The following SORBS2 variants were observed in gnomAD, a reference collection of about 807,000 sequenced individuals.
SORBS2 encodes sorbin and SH3 domain-containing protein 2.
SORBS2 carries 46 observed loss-of-function variants against 97.7 expected under a neutral mutation model. The observed-to-expected ratio is 0.47, with a 90% CI of 0.37 to 0.60. SORBS2 has a LOEUF of 0.60. SORBS2 is among the 20% of genes least tolerant of loss of function. The probability of loss-of-function intolerance (pLI) is 0.00; values close to 1 mark genes in which losing one functional copy is unlikely to be tolerated. For missense variants in SORBS2, 1,316 were observed against 1,282.3 expected (o/e 1.03, Z -0.40); for synonymous variants, 476 against 473.4 (o/e 1.01, Z -0.07).
At chr4:185,592,701 G>C (rs945829231) in intron 13 of SORBS2, 1 of 152,902 alleles carries the variant, frequency 6.5e-6, no homozygotes, top group Non-Finnish European at 1.5e-5. Context: ...GACTACAGGC[G>C]CATGCCATCA....
chr4:185,667,387 A>T (rs1268054505), intron 4 of SORBS2, among the ~76,000 whole-genome samples: 4 of 152,082 alleles, frequency 2.6e-5, no homozygotes, highest in African/African-American at 7.2e-5. Flanking sequence ...GGTTGCAATA[A>T]TTTTTTTCTC....
Position 185,690,440 on chromosome 4 carries a change from T to C in SORBS2, c.-197-11618A>G, listed in dbSNP as rs74666547. ...GAAAGAAAGTAATGAATCTATGCTA[T>C]GTATCTAATCAGAAACTCAGAATCA... On this transcript the variant is annotated intron_variant, in intron 2 of 20. Coordinates refer to the SORBS2 transcript ENST00000284776. 768 of 527,968 alleles carry C rather than the reference T, an allele frequency of 1.5e-3. 5 individuals are homozygous for C. Among genetic ancestry groups the C allele is most frequent in the African/African-American group, 0.013 (706 of 53,230 alleles). The allele number at this position is 527,968 out of a possible 1,614,324, so 32.7% of individuals were successfully genotyped here.
intron 4 of SORBS2, among the ~76,000 whole-genome samples, chr4:185,642,438 A>T (rs1326361828): frequency 6.6e-6 from 1 of 152,120 alleles, no homozygotes; most frequent in Non-Finnish European, 1.5e-5. Context: ...ACTCACCTAC[A>T]AACATATCCA....
intron 1 of SORBS2, among the ~76,000 whole-genome samples, chr4:185,892,151 C>T (rs1293350502): frequency 1.3e-5 from 2 of 152,114 alleles, no homozygotes; most frequent in Non-Finnish European, 2.9e-5. Flanking sequence ...ATTTCTTCTC[C>T]TCCTGCTTAT....
At chr4:185,857,219 C>A (rs1183895487) in intron 1 of SORBS2, among the ~76,000 whole-genome samples, 1 of 152,118 alleles carries the variant, frequency 6.6e-6, no homozygotes, top group Non-Finnish European at 1.5e-5. Flanking sequence ...GGACATTGTT[C>A]CCAAAATGAA....
intron 9 of SORBS2, among the ~76,000 whole-genome samples, chr4:185,618,068 G>A (rs754923578): frequency 2.6e-5 from 4 of 152,102 alleles, no homozygotes; most frequent in Non-Finnish European, 4.4e-5. Context: ...TCTACCTCCC[G>A]GTGAAGCGAT....
rs560704020 is a variant in SORBS2 at position 185,758,313 on chromosome 4, A to G, written c.-198+16914T>C. Among the ~76,000 whole-genome samples the G allele has an allele frequency of 4.6e-5, 7 of 152,308 alleles. No homozygotes were observed. In the South Asian group the frequency reaches 8.3e-4, roughly 18 times the overall value. On this transcript the variant is annotated intron_variant, in intron 2 of 20. Transcript: ENST00000284776. ...AAAATTATCAGGTTATATCTAAGCC[A>G]TCATCTTTCTTGATTGCACCTCCCC...
chr4:185,625,355 C>T (rs1028556926), intron 6 of SORBS2, among the ~76,000 whole-genome samples: 2 of 152,170 alleles, frequency 1.3e-5, no homozygotes, highest in Non-Finnish European at 2.9e-5. Flanking sequence ...TTTTGCTTTG[C>T]TGAGTCAACT....
chr4:185,816,911 T>C (rs2099193576), intron 1 of SORBS2, among the ~76,000 whole-genome samples: 1 of 152,114 alleles, frequency 6.6e-6, no homozygotes, highest in Non-Finnish European at 1.5e-5. Flanking sequence ...AAAAACACTG[T>C]GTGTAGCCCA....
intron 2 of SORBS2, among the ~76,000 whole-genome samples, chr4:185,690,312 G>A (rs28549285): frequency 0.02 from 3,083 of 152,276 alleles, 117 homozygotes; most frequent in African/African-American, 0.071. Context: ...ATTGTTTATA[G>A]GAGTTAGTTT....
At chr4:185,729,988 T>A (rs2153570022) in intron 2 of SORBS2, among the ~76,000 whole-genome samples, 1 of 152,316 alleles carries the variant, frequency 6.6e-6, no homozygotes, top group East Asian at 1.9e-4. Flanking sequence ...AGTCTTGCTC[T>A]ATCGCCCAGA....
At chr4:185,936,910 C>T (rs947433149) in intron 1 of SORBS2, among the ~76,000 whole-genome samples, 2 of 152,212 alleles carry the variant, frequency 1.3e-5, no homozygotes, top group Non-Finnish European at 2.9e-5. Context: ...GTGGAAATTC[C>T]TCAAGAATGC....
intron 2 of SORBS2, among the ~76,000 whole-genome samples, chr4:185,693,942 A>C (rs537977822): frequency 2.0e-5 from 3 of 152,342 alleles, no homozygotes; most frequent in South Asian, 4.1e-4. Context: ...TTATAAATGT[A>C]ATTTGTGAGG....
chr4:185,748,500 C>CG (rs1425718168), intron 2 of SORBS2, among the ~76,000 whole-genome samples: 1 of 152,042 alleles, frequency 6.6e-6, no homozygotes, highest in Non-Finnish European at 1.5e-5. Flanking sequence ...ACTGCCTAAG[C>CG]CCCCCCACCA....
chr4:185,692,630 G>T (rs927106457), intron 2 of SORBS2, among the ~76,000 whole-genome samples: 8 of 152,150 alleles, frequency 5.3e-5, no homozygotes, highest in Admixed American at 2.0e-4. Context: ...ATCAAAATGT[G>T]AATATTAGCT....
intron 2 of SORBS2, among the ~76,000 whole-genome samples, chr4:185,711,824 T>C (rs1168589015): frequency 2.6e-5 from 4 of 152,154 alleles, no homozygotes; most frequent in Non-Finnish European, 2.9e-5. Context: ...ACTTGGTATA[T>C]CAGCACCTAT....
chr4:185,892,465 G>C (rs1016537719), intron 1 of SORBS2, among the ~76,000 whole-genome samples: 1 of 152,190 alleles, frequency 6.6e-6, no homozygotes, highest in Non-Finnish European at 1.5e-5. Context: ...CTTTGATTAT[G>C]CACCCATGTT....
chr4:185,661,666 C>T (rs2097524242), upstream of SORBS2, among the ~76,000 whole-genome samples: 1 of 152,140 alleles, frequency 6.6e-6, no homozygotes, highest in Non-Finnish European at 1.5e-5. Flanking sequence ...GACTGCGTCC[C>T]TGCTATGTGG....
intron 2 of SORBS2, among the ~76,000 whole-genome samples, chr4:185,721,226 C>T (rs1365984825): frequency 6.6e-6 from 1 of 151,584 alleles, no homozygotes; most frequent in African/African-American, 2.4e-5. Flanking sequence ...AGGTGCCTGC[C>T]ACCACGCCCA....
Sources: gnomAD v4.1 joint callset for allele counts (sites outside exome capture counted in the v4.1 genomes callset) on GRCh38, gnomAD v4.1.1 for gene constraint, MANE v1.5 for transcripts, NCBI Gene and HGNC (gene_info 2026-07-23, HGNC 2026-07-21) for gene names.